Variants in WDFY2 observed in about 807,000 individuals in gnomAD.
WDFY2 encodes the protein WD repeat and FYVE domain-containing protein 2.
In WDFY2, 36 loss-of-function variants were observed where a neutral mutation model predicts 56.4. That is an observed-to-expected ratio of 0.64 (90% CI 0.49 to 0.84). The LOEUF is 0.84. WDFY2 is among the 40% of genes least tolerant of loss of function. WDFY2 has a pLI of 0.00. For missense variants in WDFY2, 444 were observed against 512.2 expected, an observed-to-expected ratio of 0.87 and a Z score of 1.29; for synonymous variants, 176 against 183.7, an observed-to-expected ratio of 0.96 and a Z score of 0.34.
At position 51,606,776 on chromosome 13, in the gene WDFY2, G is replaced by A. The variant is rs566387971; in HGVS notation, c.137+21952G>A. 5.9e-5 allele frequency among the ~76,000 whole-genome samples: 9 copies of A among 152,092 alleles called. 1 individual carries two copies. The South Asian group carries it at 1.7e-3, about 28-fold the overall frequency. ...AAATATTTATTTTATATAGTAAAAT[G>A]GAAAGACATTTTCCAGTGTTGTCAC... On this transcript the variant is annotated intron_variant, in intron 1 of 11. Coordinates refer to ENST00000298125, the MANE Select transcript of WDFY2 (RefSeq NM_052950.4).
intron 2 of WDFY2, among the ~76,000 whole-genome samples, chr13:51,671,262 C>G (rs1290991093): frequency 6.6e-6 from 1 of 152,108 alleles, no homozygotes; most frequent in Non-Finnish European, 1.5e-5. Flanking sequence ...AATGGTAGTT[C>G]TACTTTTAGT....
chr13:51,640,194 T>G (rs1955128867), intron 1 of WDFY2, among the ~76,000 whole-genome samples: 1 of 152,232 alleles, frequency 6.6e-6, no homozygotes, highest in Non-Finnish European at 1.5e-5. Context: ...CTGCTTGAAT[T>G]AATAATCACT....
At chr13:51,749,816 C>T (rs1953187523) in intron 7 of WDFY2, among the ~76,000 whole-genome samples, 1 of 152,066 alleles carries the variant, frequency 6.6e-6, no homozygotes, top group Admixed American at 6.6e-5. Context: ...ATTTTGTTAC[C>T]TAAAGACCTT....
intron 6 of WDFY2, among the ~76,000 whole-genome samples, chr13:51,737,740 A>G (rs1179513754): frequency 1.3e-5 from 2 of 152,054 alleles, no homozygotes; most frequent in Non-Finnish European, 2.9e-5. Context: ...CAACACAGTG[A>G]GCGGCCTGTC....
intron 3 of WDFY2, among the ~76,000 whole-genome samples, chr13:51,692,655 C>T (rs1006149683): frequency 6.6e-6 from 1 of 152,066 alleles, no homozygotes; most frequent in African/African-American, 2.4e-5. Flanking sequence ...CTAAAATTCT[C>T]TTTTTTGGTT....
At chr13:51,682,261 G>A (rs944833658) in intron 3 of WDFY2, among the ~76,000 whole-genome samples, 3 of 152,170 alleles carry the variant, frequency 2.0e-5, no homozygotes, top group African/African-American at 4.8e-5. Flanking sequence ...GGGAACTGAT[G>A]AGAGTATTAT....
intron 1 of WDFY2, chr13:51,586,139 G>A (rs1478050231): frequency 2.5e-6 from 1 of 398,274 alleles, no homozygotes; most frequent in Non-Finnish European, 4.4e-6. Context: ...AATTCACAGA[G>A]AAGCCTTATG....
intron 6 of WDFY2, among the ~76,000 whole-genome samples, chr13:51,736,479 A>G (rs1043047609): frequency 6.6e-6 from 1 of 152,048 alleles, no homozygotes; most frequent in Non-Finnish European, 1.5e-5. Context: ...CTGGCTCCTC[A>G]TGGTGCAGTG....
At position 51,761,432 on chromosome 13, in the gene WDFY2, A is replaced by C. The variant is rs1411716831; in HGVS notation, c.*1663A>C. ...CCTAAGCACTTTACACGCACAGCTC[A>C]TTCAACCTCACGTGTCGGGAGCATC... On this transcript the variant is annotated 3_prime_UTR_variant, in exon 12 of 12. Coordinates refer to ENST00000298125, the MANE Select transcript of WDFY2 (RefSeq NM_052950.4). 1.3e-5 allele frequency: 2 copies of C among 152,172 alleles called. No homozygotes were observed. The allele number at this position is 152,172 out of a possible 1,614,324, so 9.4% of individuals were successfully genotyped here.
intron 1 of WDFY2, among the ~76,000 whole-genome samples, chr13:51,585,247 G>T (rs1953914999): frequency 6.6e-6 from 1 of 152,228 alleles, no homozygotes; most frequent in African/African-American, 2.4e-5. Context: ...CAGCTCCCAG[G>T]GTTTCAAACG....
At chr13:51,613,447 C>T (rs1354060857) in intron 1 of WDFY2, among the ~76,000 whole-genome samples, 1 of 152,114 alleles carries the variant, frequency 6.6e-6, no homozygotes, top group East Asian at 1.9e-4. Flanking sequence ...TTGTTCTTTC[C>T]AGTAGTAGAG....
At chr13:51,659,579 G>C (rs1047715478) in intron 1 of WDFY2, among the ~76,000 whole-genome samples, 2 of 152,236 alleles carry the variant, frequency 1.3e-5, no homozygotes, top group East Asian at 3.9e-4. Context: ...ATTCATGGTC[G>C]GGCCTTTTTG....
At chr13:51,703,778 TG>T (rs1952032905) in intron 4 of WDFY2, 128 bp downstream of exon 4, 1 of 743,544 alleles carries the variant, frequency 1.3e-6, no homozygotes. Flanking sequence ...TTTGAGTGAG[TG>T]TTATCCCTGT....
At chr13:51,640,009 C>T (rs760108888) in intron 1 of WDFY2, among the ~76,000 whole-genome samples, 2 of 152,160 alleles carry the variant, frequency 1.3e-5, no homozygotes, top group Admixed American at 1.3e-4. Context: ...TAATTAGCCT[C>T]AGCTGTTCAA....
chr13:51,714,085 A>G (rs1313923135), intron 4 of WDFY2, among the ~76,000 whole-genome samples: 1 of 152,096 alleles, frequency 6.6e-6, no homozygotes, highest in African/African-American at 2.4e-5. Context: ...ACAGAACTGT[A>G]TACTTCAGTT....
intron 1 of WDFY2, among the ~76,000 whole-genome samples, chr13:51,618,098 C>G (rs1043365978): frequency 2.0e-5 from 3 of 152,198 alleles, no homozygotes; most frequent in Non-Finnish European, 4.4e-5. Context: ...GACAAGCATT[C>G]TATTTATTCA....
At chr13:51,743,903 G>A (rs982831711) in intron 7 of WDFY2, among the ~76,000 whole-genome samples, 3 of 152,172 alleles carry the variant, frequency 2.0e-5, no homozygotes, top group African/African-American at 7.2e-5. Flanking sequence ...AATACAGTGG[G>A]TTTAGGAAAT....
intron 1 of WDFY2, among the ~76,000 whole-genome samples, chr13:51,616,164 G>T (rs577402350): frequency 7.2e-5 from 11 of 152,322 alleles, no homozygotes; most frequent in Admixed American, 3.9e-4. Context: ...TTGAACCCAG[G>T]AGGTCGAGGC....
rs1013162630 is a variant in WDFY2 at position 51,624,598 on chromosome 13, A to G, written c.138-35998A>G. Reference sequence around the variant, plus strand: ...TTGGGGGGAAAATACGTAATAAGCAATGATCATGATTGATAAGCCTATGTT... The same window carrying G: ...TTGGGGGGAAAATACGTAATAAGCAGTGATCATGATTGATAAGCCTATGTT... On this transcript the variant is annotated intron_variant, in intron 1 of 11. Transcript: ENST00000298125. Among the ~76,000 whole-genome samples, 8 of 152,262 alleles carry G rather than the reference A, an allele frequency of 5.3e-5. No homozygotes were observed. In the South Asian group the frequency reaches 6.2e-4, roughly 12 times the overall value.
Sources: allele counts gnomAD v4.1 joint callset (sites outside exome capture counted in the v4.1 genomes callset), GRCh38; gene constraint gnomAD v4.1.1; transcripts MANE v1.5; gene names NCBI Gene and HGNC (gene_info 2026-07-23, HGNC 2026-07-21).